The following DLG1 variants were observed in gnomAD, a reference collection of about 807,000 sequenced individuals.
DLG1 encodes discs large MAGUK scaffold protein 1, also known as disks large homolog 1.
DLG1 carries 42 observed loss-of-function variants against 123.4 expected under a neutral mutation model. That is an observed-to-expected ratio of 0.34 (90% CI 0.27 to 0.44). The LOEUF is 0.44. Ranked by LOEUF, DLG1 falls within the 20% of genes least tolerant of loss-of-function variation. The pLI is 1.00. For missense variants in DLG1, 942 were observed against 1,082.6 expected, an observed-to-expected ratio of 0.87 and a Z score of 1.82; for synonymous variants, 317 against 356.2, an observed-to-expected ratio of 0.89 and a Z score of 1.24.
At chr3:197,070,787 A>C (rs1743363604) in intron 18 of DLG1, 1 of 150,638 alleles carries the variant, frequency 6.6e-6, no homozygotes, top group Non-Finnish European at 1.5e-5. Context: ...GGCCAGGCTG[A>C]TATTGAACCT....
At chr3:197,065,485 T>TAAA in intron 21 of DLG1, 37 bp from the exon 22 acceptor site, 2 of 1,367,488 alleles carry the variant, frequency 1.5e-6, no homozygotes, top group Admixed American at 2.4e-5. Flanking sequence ...TGTTTAATAT[T>TAAA]AAAAAAAAAA....
chr3:197,273,489 C>G, intron 4 of DLG1, among the ~76,000 whole-genome samples: 1 of 152,122 alleles, frequency 6.6e-6, no homozygotes, highest in Non-Finnish European at 1.5e-5. Flanking sequence ...CTGCCCGCCT[C>G]TGCCTCCCAA....
intron 11 of DLG1, among the ~76,000 whole-genome samples, chr3:197,126,543 G>A (rs1579812313): frequency 6.6e-6 from 1 of 151,742 alleles, no homozygotes; most frequent in East Asian, 1.9e-4. Context: ...ATGTGCACAT[G>A]GTTATTAGAT....
chr3:197,271,807 T>C (rs1442708332), intron 4 of DLG1, among the ~76,000 whole-genome samples: 1 of 152,334 alleles, frequency 6.6e-6, no homozygotes, highest in East Asian at 1.9e-4. Context: ...TTTAATAGTT[T>C]AAGTGCATGA....
chr3:197,096,948 AG>A (rs1760949686), intron 14 of DLG1, among the ~76,000 whole-genome samples: 1 of 152,152 alleles, frequency 6.6e-6, no homozygotes, highest in East Asian at 1.9e-4. Flanking sequence ...TTTACATAGG[AG>A]TTACGAGTCA....
chr3:197,119,731 C>A (rs532750057), intron 11 of DLG1, among the ~76,000 whole-genome samples: 4 of 152,278 alleles, frequency 2.6e-5, no homozygotes, highest in Admixed American at 6.5e-5. Flanking sequence ...GATACTCCCA[C>A]CTCAGCCTCC....
chr3:197,170,637 G>C (rs1188025506), intron 5 of DLG1, among the ~76,000 whole-genome samples: 1 of 152,104 alleles, frequency 6.6e-6, no homozygotes, highest in African/African-American at 2.4e-5. Flanking sequence ...CCGGATATTA[G>C]ACCTTTTTCA....
At chr3:197,184,793 TAC>T (rs1009105521) in intron 5 of DLG1, among the ~76,000 whole-genome samples, 8 of 152,236 alleles carry the variant, frequency 5.3e-5, no homozygotes, top group Non-Finnish European at 8.8e-5. Context: ...TATCCAACTC[TAC>T]ATAAATACCA....
intron 23 of DLG1, among the ~76,000 whole-genome samples, chr3:197,057,083 G>GTT (rs11383520): frequency 5.3e-5 from 8 of 150,950 alleles, no homozygotes; most frequent in African/African-American, 1.5e-4. Flanking sequence ...CTGACTCTTT[G>GTT]TTTTTTTTTA....
At chr3:197,129,897 A>G (rs1037967571) in intron 11 of DLG1, among the ~76,000 whole-genome samples, 3 of 152,180 alleles carry the variant, frequency 2.0e-5, no homozygotes, top group Non-Finnish European at 4.4e-5. Flanking sequence ...CTCCAAAACA[A>G]TTAAAATAGT....
chr3:197,144,710 T>C (rs1160101254), intron 6 of DLG1, among the ~76,000 whole-genome samples: 1 of 152,216 alleles, frequency 6.6e-6, no homozygotes, highest in Admixed American at 6.5e-5. Flanking sequence ...TACTACCCTT[T>C]TGGGTTCTTA....
intron 20 of DLG1, among the ~76,000 whole-genome samples, chr3:197,066,151 G>C (rs1263341510): frequency 6.6e-6 from 1 of 152,160 alleles, no homozygotes; most frequent in Non-Finnish European, 1.5e-5. Flanking sequence ...GCAGAGCAAA[G>C]AAGGGCAGAA....
At chr3:197,183,197 A>G (rs1324532158) in intron 5 of DLG1, among the ~76,000 whole-genome samples, 6 of 152,200 alleles carry the variant, frequency 3.9e-5, no homozygotes, top group Non-Finnish European at 8.8e-5. Flanking sequence ...CCCTAAGGTT[A>G]TCTAATAACA....
At chr3:197,154,457 C>T (rs1260802637) in intron 5 of DLG1, among the ~76,000 whole-genome samples, 1 of 152,066 alleles carries the variant, frequency 6.6e-6, no homozygotes, top group Non-Finnish European at 1.5e-5. Flanking sequence ...GGGTGGATCA[C>T]TAGGTCAGGA....
chr3:197,282,985 T>C (rs1770115162), intron 3 of DLG1, 140 bp from the exon 4 acceptor site: 1 of 497,590 alleles, frequency 2.0e-6, no homozygotes, highest in Non-Finnish European at 3.5e-6. Flanking sequence ...ACTTAAACAG[T>C]GAATATTATC....
chr3:197,163,058 C>T (rs1045484941), intron 5 of DLG1, among the ~76,000 whole-genome samples: 3 of 152,128 alleles, frequency 2.0e-5, no homozygotes, highest in African/African-American at 7.2e-5. Flanking sequence ...ATAATTTCTG[C>T]AAAGAAGGTA....
intron 4 of DLG1, among the ~76,000 whole-genome samples, chr3:197,269,083 T>G (rs1480321763): frequency 1.3e-5 from 2 of 152,192 alleles, no homozygotes; most frequent in Non-Finnish European, 2.9e-5. Flanking sequence ...ACACTTTACT[T>G]TTTTCTAAAA....
At chr3:197,237,144 T>A (rs764387496) in intron 4 of DLG1, among the ~76,000 whole-genome samples, 1 of 152,150 alleles carries the variant, frequency 6.6e-6, no homozygotes. Context: ...GGGCTTCCAA[T>A]TGAAAGAGAG....
intron 5 of DLG1, among the ~76,000 whole-genome samples, chr3:197,170,501 G>A (rs1349579662): frequency 2.0e-5 from 3 of 152,072 alleles, no homozygotes; most frequent in African/African-American, 7.2e-5. Flanking sequence ...TTTCTCTAAT[G>A]ATCAGTGACG....
Sources: allele counts gnomAD v4.1 joint callset (sites outside exome capture counted in the v4.1 genomes callset), GRCh38; gene constraint gnomAD v4.1.1; transcripts MANE v1.5; gene names NCBI Gene and HGNC (gene_info 2026-07-23, HGNC 2026-07-21).